CAP2: variants seen among roughly 807,000 people sequenced by gnomAD.
The protein encoded by CAP2 is cyclase associated actin cytoskeleton regulatory protein 2.
In CAP2, 24 loss-of-function variants were observed where a neutral mutation model predicts 57.7. That is an observed-to-expected ratio of 0.42 (90% CI 0.30 to 0.58). The LOEUF is 0.58. CAP2 is among the 20% of genes least tolerant of loss of function. CAP2 has a pLI of 0.22. For synonymous variants in CAP2, 194 were observed against 207.2 expected (o/e 0.94, Z 0.55); for missense variants, 501 against 590.3 (o/e 0.85, Z 1.57).
intron 3 of CAP2, among the ~76,000 whole-genome samples, chr6:17,436,533 A>G (rs1163156699): frequency 6.6e-6 from 1 of 152,174 alleles, no homozygotes; most frequent in Non-Finnish European, 1.5e-5. Flanking sequence ...AGGACTGCCA[A>G]TCACAGGAAT....
intron 3 of CAP2, among the ~76,000 whole-genome samples, chr6:17,461,243 G>A (rs368735679): frequency 6.7e-5 from 10 of 148,232 alleles, no homozygotes; most frequent in Admixed American, 4.7e-4. Context: ...TTTTTGAGAC[G>A]TAGTCTCCCT....
chr6:17,516,665 A>G (rs1265224437), intron 7 of CAP2, among the ~76,000 whole-genome samples: 1 of 152,234 alleles, frequency 6.6e-6, no homozygotes, highest in Non-Finnish European at 1.5e-5. Context: ...CTTCTTTGTG[A>G]ATTCCATTCA....
chr6:17,479,772 C>T (rs976943432), intron 4 of CAP2, among the ~76,000 whole-genome samples: 6 of 151,710 alleles, frequency 4.0e-5, no homozygotes, highest in Non-Finnish European at 8.8e-5. Context: ...CCACCACACC[C>T]GGCTAATTTT....
rs1554129487 is a variant in CAP2, at chr6:17,529,640, C to CAAAAAAAA, written c.637-9624_637-9617dup. On this transcript the variant is annotated intron_variant, in intron 7 of 12. Coordinates refer to ENST00000229922, the MANE Select transcript of CAP2 (RefSeq NM_006366.3). ...TGGGCAACAGAGCAAGACTCCGTCT[C>CAAAAAAAA]AAAAAAAAAAAATATATATATATAT... 5.4e-3 allele frequency among the ~76,000 whole-genome samples: 638 copies of CAAAAAAAA among 117,084 alleles called. 1 individual carries two copies. The highest frequency in any genetic ancestry group is 0.023 in the African/African-American group (594 of 25,576). 76.8% of individuals were successfully genotyped at this position (117,084 alleles called of 152,430 possible). A position where few individuals can be genotyped will look rare whatever the true frequency, so the allele number is the denominator to read the frequency against.
intron 4 of CAP2, among the ~76,000 whole-genome samples, chr6:17,501,654 T>G (rs1761824219): frequency 6.6e-6 from 1 of 152,190 alleles, no homozygotes; most frequent in Non-Finnish European, 1.5e-5. Flanking sequence ...CTGGTTTTCC[T>G]TTTTGGGTAA....
chr6:17,533,344 A>G (rs536867897), intron 7 of CAP2, among the ~76,000 whole-genome samples: 1 of 152,198 alleles, frequency 6.6e-6, no homozygotes, highest in East Asian at 1.9e-4. Flanking sequence ...AGCTGTTCCC[A>G]GGACAGCTGA....
intron 4 of CAP2, among the ~76,000 whole-genome samples, chr6:17,496,112 C>T (rs925824573): frequency 1.3e-5 from 2 of 149,480 alleles, no homozygotes; most frequent in Admixed American, 1.4e-4. Context: ...ATAAGTGAGA[C>T]AACCAGAGAG....
At chr6:17,481,396 T>C (rs544732749) in intron 4 of CAP2, among the ~76,000 whole-genome samples, 1 of 151,916 alleles carries the variant, frequency 6.6e-6, no homozygotes, top group African/African-American at 2.4e-5. Flanking sequence ...TTTAACTGCT[T>C]CTATTTATTT....
At chr6:17,534,949 A>T (rs1762736873) in intron 7 of CAP2, among the ~76,000 whole-genome samples, 1 of 152,158 alleles carries the variant, frequency 6.6e-6, no homozygotes, top group Non-Finnish European at 1.5e-5. Context: ...GTGAGTACGC[A>T]GGAAAAATGA....
chr6:17,442,002 A>T (rs1760092958), intron 3 of CAP2, among the ~76,000 whole-genome samples: 1 of 152,132 alleles, frequency 6.6e-6, no homozygotes, highest in Non-Finnish European at 1.5e-5. Flanking sequence ...ACTTCTTTGC[A>T]TAACTCGTTA....
At chr6:17,462,237 C>T (rs1197245998) in intron 3 of CAP2, among the ~76,000 whole-genome samples, 1 of 151,798 alleles carries the variant, frequency 6.6e-6, no homozygotes, top group African/African-American at 2.4e-5. Context: ...GATTAGAAGC[C>T]ACTGGCTTTC....
chr6:17,551,536 T>G lies in CAP2; in HGVS notation c.1282T>G (p.Leu428Val). 1 of 1,611,400 alleles carries G rather than the reference T, an allele frequency of 6.2e-7. No individual in the cohort carries two copies. The highest frequency in any genetic ancestry group is 8.5e-7 in the Non-Finnish European group (1 of 1,177,682). ...CCACATATACCTCAGTGAAGATGCA[T>G]TAGACTGTGAGATCGTGAGCGCCAA... ...GCHIYLSEDA[L>V]DCEIVSAKSS... is the part of the protein sequence containing the mutation. Residue 428 changes from leucine (L) to valine (V), a missense_variant, in exon 12 of 13, where the codon TTA becomes GTA. By Grantham distance (32) the Leu-to-Val change is conservative. Transcript: ENST00000229922.
At chr6:17,544,363 T>C (rs917966110) in intron 11 of CAP2, among the ~76,000 whole-genome samples, 1 of 152,138 alleles carries the variant, frequency 6.6e-6, no homozygotes, top group Non-Finnish European at 1.5e-5. Context: ...GGAAAAGTTT[T>C]TCTAAAGAAT....
intron 7 of CAP2, among the ~76,000 whole-genome samples, chr6:17,534,033 TTAA>T (rs1762712524): frequency 6.6e-6 from 1 of 152,192 alleles, no homozygotes; most frequent in African/African-American, 2.4e-5. Context: ...TTAACTAAGG[TTAA>T]GTCTGTCTCC....
At chr6:17,447,666 CTT>C (rs1445003617) in intron 3 of CAP2, among the ~76,000 whole-genome samples, 3 of 152,148 alleles carry the variant, frequency 2.0e-5, no homozygotes, top group Non-Finnish European at 2.9e-5. Context: ...GCCTGGCTAA[CTT>C]TTGTATTTTT....
chr6:17,431,738 C>G (rs988882143), intron 3 of CAP2, among the ~76,000 whole-genome samples: 5 of 152,060 alleles, frequency 3.3e-5, no homozygotes, highest in Non-Finnish European at 7.4e-5. Flanking sequence ...TTGAGCTAGT[C>G]CCTTCATCTG....
At position 17,454,717 on chromosome 6, in the gene CAP2, A is replaced by G. The variant is rs144459309; in HGVS notation, c.223-8279A>G. 3.8e-3 allele frequency among the ~76,000 whole-genome samples: 586 copies of G among 152,338 alleles called. 5 individuals are homozygous for G. The highest frequency in any genetic ancestry group is 0.013 in the African/African-American group (560 of 41,580). On this transcript the variant is annotated intron_variant, in intron 3 of 12. Transcript: ENST00000229922. Reference sequence around the variant, plus strand: ...AAGTCAGTCTTGCTGATATGTTTCAAAAGAACATTGGCTTGACGCAATTAT... The same window carrying G: ...AAGTCAGTCTTGCTGATATGTTTCAGAAGAACATTGGCTTGACGCAATTAT...
At chr6:17,426,453 T>G in intron 2 of CAP2, 137 bp from the exon 3 acceptor site, 1 of 642,332 alleles carries the variant, frequency 1.6e-6, no homozygotes, top group Non-Finnish European at 2.9e-6. Context: ...CAGGCTGGTC[T>G]TAAACTCCTG....
rs1193148895 is a variant in CAP2 at position 17,541,076 on chromosome 6, C to T, written c.930C>T (p.Pro310=). Reference sequence around the variant, plus strand: ...CCACCAAAAGTCACACTCCAAGTCCCACATCTCCTAAATCTTATCCTTCTC... The same window carrying T: ...CCACCAAAAGTCACACTCCAAGTCCTACATCTCCTAAATCTTATCCTTCTC... ...QSPTKSHTPS[P]TSPKSYPSQK... The change falls in exon 9 of 13, where the codon CCC becomes CCT. Residue 310 remains proline (P), a synonymous_variant. Transcript: ENST00000229922. 6.2e-7 allele frequency: 1 copy of T among 1,614,126 alleles called. No homozygotes were observed. The highest frequency in any genetic ancestry group is 8.5e-7 in the Non-Finnish European group (1 of 1,179,986).
Sources: allele counts gnomAD v4.1 joint callset (sites outside exome capture counted in the v4.1 genomes callset), GRCh38; gene constraint gnomAD v4.1.1; transcripts MANE v1.5; gene names NCBI Gene and HGNC (gene_info 2026-07-23, HGNC 2026-07-21).